CLCN5: variants seen among roughly 807,000 people sequenced by gnomAD.
The protein encoded by CLCN5 is Cl-/H+ antiporter 5, also known as H(+)/Cl(-) exchange transporter 5.
CLCN5 carries 17 observed loss-of-function variants against 54.0 expected under a neutral mutation model. The ratio of observed to expected loss-of-function variants is 0.31; its 90% confidence interval spans 0.22 to 0.47. The LOEUF (loss-of-function observed/expected upper bound fraction) is 0.47, where lower values mean the gene tolerates loss of function less well. CLCN5 is among the 20% of genes least tolerant of loss of function. The pLI, the probability that CLCN5 is intolerant of heterozygous loss-of-function variation, is 1.00. For synonymous variants in CLCN5, 222 were observed against 233.0 expected (o/e 0.95, Z 0.43); for missense variants, 448 against 646.7 (o/e 0.69, Z 3.33).
Position 49,925,235 on chromosome X carries a change from A to T in CLCN5, c.-64A>T. On this transcript the variant is annotated 5_prime_UTR_variant, in exon 3 of 15. Coordinates refer to ENST00000376091, the MANE Select transcript of CLCN5 (RefSeq NM_001127898.4). ...AGCTGCCTTTCTATCAAGTCTCCCTACAAAACTGAGAGGCTCTGGGAAACT... is the reference window on the plus strand; with the variant it reads ...AGCTGCCTTTCTATCAAGTCTCCCTTCAAAACTGAGAGGCTCTGGGAAACT... 1 of 1,162,500 alleles carries T rather than the reference A, an allele frequency of 8.6e-7. No homozygotes were observed. The highest frequency in any genetic ancestry group is 1.2e-6 in the Non-Finnish European group (1 of 850,351).
chrX:50,074,468 T>C (rs1420178567), intron 6 of CLCN5, among the ~76,000 whole-genome samples: 3 of 111,577 alleles, frequency 2.7e-5, no homozygotes, highest in Non-Finnish European at 5.7e-5. Flanking sequence ...AACCAGAGAA[T>C]AAGCCAAACT....
At chrX:49,962,582 C>A (rs1474632771) in intron 3 of CLCN5, among the ~76,000 whole-genome samples, 1 of 111,838 alleles carries the variant, frequency 8.9e-6, no homozygotes, top group Non-Finnish European at 1.9e-5. Flanking sequence ...CAGGAACCCA[C>A]AAGAAGCTTT....
intron 4 of CLCN5, among the ~76,000 whole-genome samples, chrX:50,060,315 T>C (rs1277232335): frequency 6.4e-4 from 69 of 107,842 alleles, no homozygotes; most frequent in Middle Eastern, 4.7e-3. Context: ...GTGCGCGAGC[T>C]GAAGCAGGGC....
chrX:50,052,571 G>A (rs1932619821), intron 4 of CLCN5, among the ~76,000 whole-genome samples: 2 of 111,582 alleles, frequency 1.8e-5, no homozygotes, highest in East Asian at 2.8e-4. Flanking sequence ...CTTAGGAAGT[G>A]TTCTCTCCGC....
At chrX:49,979,368 T>A (rs1356342665) in intron 3 of CLCN5, among the ~76,000 whole-genome samples, 1 of 111,899 alleles carries the variant, frequency 8.9e-6, no homozygotes, top group South Asian at 3.8e-4. Context: ...CAGAGTTTAT[T>A]TGATCACTGA....
intron 3 of CLCN5, among the ~76,000 whole-genome samples, chrX:49,959,232 A>G (rs1451785315): frequency 1.8e-5 from 2 of 111,971 alleles, no homozygotes; most frequent in East Asian, 2.8e-4. Flanking sequence ...TTACCCAACA[A>G]TACTTAAAAT....
In CLCN5 at chrX:50,096,144, G is replaced by A. The variant is rs1019568703; in HGVS notation, c.*3925G>A. ...CAAGCCACCCATCAGTTCAGAGGAA[G>A]CAGGAAAACATCTTTTGGGTGGTGC... is the stretch of plus-strand genomic sequence containing the variant. On this transcript the variant is annotated 3_prime_UTR_variant, in exon 15 of 15. Transcript: ENST00000376091. The A allele has an allele frequency of 9.0e-6, 1 of 111,322 alleles. No individual in the cohort carries two copies. The highest frequency in any genetic ancestry group is 3.3e-5 in the African/African-American group (1 of 30,596). The allele number at this position is 111,322 out of a possible 1,213,427, so 9.2% of individuals were successfully genotyped here.
intron 3 of CLCN5, among the ~76,000 whole-genome samples, chrX:49,945,763 A>G (rs191563724): frequency 0.035 from 3,387 of 97,918 alleles, 70 homozygotes; most frequent in Non-Finnish European, 0.052. Context: ...CGCCCTTTCA[A>G]TTTTTTTTTT....
intron 3 of CLCN5, chrX:50,003,156 T>C (rs1557180801): frequency 2.6e-6 from 1 of 385,341 alleles, no homozygotes; most frequent in South Asian, 2.3e-5. Context: ...CCCGACTTGC[T>C]TTCTCTCCTC....
intron 3 of CLCN5, among the ~76,000 whole-genome samples, chrX:50,007,786 T>C (rs1056481222): frequency 1.6e-4 from 18 of 112,183 alleles, no homozygotes; most frequent in African/African-American, 5.5e-4. Context: ...TACTATACTT[T>C]ATTTCATTTT....
chrX:50,019,503 T>G (rs1409327408), intron 3 of CLCN5, among the ~76,000 whole-genome samples: 5 of 75,128 alleles, frequency 6.7e-5, no homozygotes, highest in Admixed American at 1.5e-4. Flanking sequence ...ATACTCTAAG[T>G]TTTAGGGTAC....
intron 6 of CLCN5, 95 bp downstream of exon 6, chrX:50,072,683 G>GT (rs1933262116): frequency 4.6e-6 from 3 of 645,248 alleles, no homozygotes; most frequent in Non-Finnish European, 7.8e-6. Context: ...GTGTTTTCCT[G>GT]TTTTTCTACC....
At chrX:49,966,612 A>ATT (rs1183495910) in intron 3 of CLCN5, among the ~76,000 whole-genome samples, 6 of 19,092 alleles carry the variant, frequency 3.1e-4, no homozygotes, top group East Asian at 5.1e-3. Flanking sequence ...TTTTTTTTTT[A>ATT]TTTTTTTATT....
chrX:50,029,033 C>T (rs1162259372), intron 3 of CLCN5, among the ~76,000 whole-genome samples: 1 of 111,762 alleles, frequency 8.9e-6, no homozygotes, highest in Non-Finnish European at 1.9e-5. Flanking sequence ...ATTCTATATT[C>T]CCCATTTCGA....
chrX:49,967,215 T>TGGCA (rs2060334791), intron 3 of CLCN5, among the ~76,000 whole-genome samples: 2 of 24,223 alleles, frequency 8.3e-5, no homozygotes, highest in East Asian at 1.0e-3. Context: ...ATGGTTGAAC[T>TGGCA]AGTTTACAGT....
chrX:49,994,232 G>A (rs1557179330), intron 3 of CLCN5, among the ~76,000 whole-genome samples: 1 of 111,215 alleles, frequency 9.0e-6, no homozygotes, highest in Non-Finnish European at 1.9e-5. Flanking sequence ...GGCTTGAATG[G>A]GAGAGCAGGA....
At chrX:49,960,722 TCTCC>T (rs1927556458) in intron 3 of CLCN5, among the ~76,000 whole-genome samples, 1 of 110,672 alleles carries the variant, frequency 9.0e-6, no homozygotes, top group Admixed American at 9.6e-5. Flanking sequence ...CCATTAATCA[TCTCC>T]CTTCTCTCTC....
intron 3 of CLCN5, among the ~76,000 whole-genome samples, chrX:50,031,436 T>C (rs1191141995): frequency 8.9e-6 from 1 of 112,023 alleles, no homozygotes; most frequent in Non-Finnish European, 1.9e-5. Flanking sequence ...ACTTCAGACA[T>C]TCTCACAGTA....
intron 4 of CLCN5, among the ~76,000 whole-genome samples, chrX:50,062,927 G>T (rs1208674558): frequency 7.3e-5 from 8 of 108,994 alleles, no homozygotes; most frequent in Admixed American, 6.8e-4. Flanking sequence ...ATAACGAAAT[G>T]AAGGCAGAAA....
Sources: allele counts gnomAD v4.1 joint callset (sites outside exome capture counted in the v4.1 genomes callset), GRCh38; gene constraint gnomAD v4.1.1; transcripts MANE v1.5; gene names NCBI Gene and HGNC (gene_info 2026-07-23, HGNC 2026-07-21).